The following TTC23L variants were observed in gnomAD, a reference collection of about 807,000 sequenced individuals.
TTC23L encodes tetratricopeptide repeat protein 23-like.
Under a neutral mutation model 48.1 loss-of-function variants are expected in TTC23L, and 42 were observed. The ratio of observed to expected loss-of-function variants is 0.87; its 90% CI spans 0.68 to 1.13. The LOEUF (loss-of-function observed/expected upper bound fraction) is 1.13, where lower values mean the gene tolerates loss of function less well. Among genes scored for constraint, TTC23L ranks in the 50% most tolerant of loss-of-function variants. The pLI, the probability that TTC23L is intolerant of heterozygous loss-of-function variation, is 0.00. For synonymous variants in TTC23L, 159 were observed against 157.2 expected, an observed-to-expected ratio of 1.01 and a Z score of -0.09; for missense variants, 391 against 421.0, an observed-to-expected ratio of 0.93 and a Z score of 0.62.
chr5:34,925,183 A>C, the TTC23L span: 1 of 1,500,120 alleles, frequency 6.7e-7, no homozygotes. Flanking sequence ...TAAAATGTTT[A>C]TTTTTATTTC....
At chr5:34,874,771 T>G (rs1761711895) in intron 8 of TTC23L, among the ~76,000 whole-genome samples, 2 of 148,406 alleles carry the variant, frequency 1.3e-5, no homozygotes, top group African/African-American at 4.9e-5. Context: ...CCACAAAAGG[T>G]AGGAAAAGAG....
Position 34,840,650 on chromosome 5 carries a change from C to A in TTC23L, c.-7-15C>A. 1 of 1,612,874 alleles carries A rather than the reference C, an allele frequency of 6.2e-7. No individual in the cohort carries two copies. Among genetic ancestry groups the A allele is most frequent in the Non-Finnish European group, 8.5e-7 (1 of 1,178,896 alleles). On this transcript the variant is annotated splice_polypyrimidine_tract_variant and intron_variant, in intron 1 of 10. Transcript: ENST00000505624. ...GCCTTTTCTCTCAAAGCTGACCTTA[C>A]CTGATTCTTGGTAGGAAGAAGATGC...
intron 9 of TTC23L, among the ~76,000 whole-genome samples, chr5:34,889,076 G>C (rs1276489860): frequency 6.6e-6 from 1 of 152,042 alleles, no homozygotes; most frequent in East Asian, 1.9e-4. Context: ...TATCAATGAC[G>C]CTTATCATTG....
intron 9 of TTC23L, among the ~76,000 whole-genome samples, chr5:34,889,178 T>C (rs924457295): frequency 1.3e-5 from 2 of 152,212 alleles, no homozygotes; most frequent in Non-Finnish European, 2.9e-5. Flanking sequence ...ACCAAATTCA[T>C]AAAACTGAGC....
At chr5:34,885,075 T>C (rs1314301089) in intron 9 of TTC23L, among the ~76,000 whole-genome samples, 1 of 133,408 alleles carries the variant, frequency 7.5e-6, no homozygotes, top group Admixed American at 7.5e-5. Context: ...GGCAAATGAG[T>C]ACAAGCACCT....
intron 4 of TTC23L, among the ~76,000 whole-genome samples, chr5:34,859,003 C>A (rs376850107): frequency 2.0e-5 from 3 of 152,190 alleles, no homozygotes; most frequent in African/African-American, 7.2e-5. Flanking sequence ...GCACAACCAG[C>A]ATGGGATATT....
intron 4 of TTC23L, among the ~76,000 whole-genome samples, chr5:34,855,941 C>A (rs1760096450): frequency 6.6e-6 from 1 of 152,078 alleles, no homozygotes; most frequent in Non-Finnish European, 1.5e-5. Context: ...TTTACTTTTT[C>A]TTATAATTTT....
intron 8 of TTC23L, among the ~76,000 whole-genome samples, chr5:34,875,080 CTT>C (rs1164059790): frequency 2.0e-5 from 3 of 152,234 alleles, no homozygotes; most frequent in African/African-American, 7.2e-5. Context: ...CCAGAACAAA[CTT>C]AGTGCAAGGA....
chr5:34,868,802 A>T, intron 7 of TTC23L, 103 bp from the exon 8 acceptor site: 1 of 896,118 alleles, frequency 1.1e-6, no homozygotes, highest in Non-Finnish European at 1.8e-6. Flanking sequence ...CAAGACTCAT[A>T]GCTAGGAAGT....
At chr5:34,887,039 T>C (rs1170148818) in intron 9 of TTC23L, among the ~76,000 whole-genome samples, 1 of 152,170 alleles carries the variant, frequency 6.6e-6, no homozygotes, top group Non-Finnish European at 1.5e-5. Flanking sequence ...AAAACCTAAG[T>C]TTATTCAAAG....
At chr5:34,887,524 A>G (rs1762614278) in intron 9 of TTC23L, among the ~76,000 whole-genome samples, 2 of 152,228 alleles carry the variant, frequency 1.3e-5, no homozygotes, top group South Asian at 4.1e-4. Flanking sequence ...AGTAGGAAAC[A>G]AAACAAAACA....
At position 34,864,287 on chromosome 5, in the gene TTC23L, C is replaced by T. The variant is rs1760888449; in HGVS notation, c.537-150C>T. 3.9e-6 allele frequency: 4 copies of T among 1,016,206 alleles called. No homozygotes were observed. In the South Asian group the frequency reaches 8.3e-5, roughly 21 times the overall value. The allele number at this position is 1,016,206 out of a possible 1,614,324, so 62.9% of individuals were successfully genotyped here. On this transcript the variant is annotated intron_variant, in intron 5 of 10. Coordinates refer to ENST00000505624, the Ensembl canonical transcript of TTC23L. Reference sequence around the variant, plus strand: ...CTAAAGAATTCTTGCTTCTTGACAACATAATACATGGAAAATAAAGAACAT... The same window carrying T: ...CTAAAGAATTCTTGCTTCTTGACAATATAATACATGGAAAATAAAGAACAT...
chr5:34,882,818 T>C (rs1232614672), intron 9 of TTC23L, among the ~76,000 whole-genome samples: 6 of 152,040 alleles, frequency 3.9e-5, no homozygotes, highest in Non-Finnish European at 7.4e-5. Context: ...GGCAGGAGGA[T>C]TGCTTGAGCC....
chr5:34,917,890 A>C, the TTC23L span, among the ~76,000 whole-genome samples: 16 of 152,252 alleles, frequency 1.1e-4, no homozygotes, highest in East Asian at 2.5e-3. Context: ...GAGAGATTGA[A>C]GTTGAAAAAC....
intron 9 of TTC23L, among the ~76,000 whole-genome samples, chr5:34,884,940 T>A (rs983912298): frequency 4.6e-5 from 7 of 152,206 alleles, no homozygotes; most frequent in Non-Finnish European, 1.0e-4. Flanking sequence ...TTCAACCCAA[T>A]TATGAAGAAA....
the TTC23L span, chr5:34,925,223 T>TTTTTA: frequency 6.6e-7 from 1 of 1,522,540 alleles, no homozygotes; most frequent in Non-Finnish European, 8.8e-7. Context: ...TTTTTTTTTT[T>TTTTTA]AGCATCGGCG....
At chr5:34,911,431 G>C in the TTC23L span, 3 of 1,162,964 alleles carry the variant, frequency 2.6e-6, no homozygotes, top group Non-Finnish European at 3.7e-6. Context: ...AAGAGTACAA[G>C]CTGTCTAAAG....
chr5:34,850,513 G>A (rs760417712), intron 4 of TTC23L, among the ~76,000 whole-genome samples: 7 of 152,176 alleles, frequency 4.6e-5, no homozygotes, highest in Non-Finnish European at 7.3e-5. Flanking sequence ...CAGTTATTGA[G>A]TATTTAGCAT....
At chr5:34,885,845 T>G (rs551338962) in intron 9 of TTC23L, among the ~76,000 whole-genome samples, 52 of 152,252 alleles carry the variant, frequency 3.4e-4, no homozygotes, top group South Asian at 3.1e-3. Flanking sequence ...TATTTATATA[T>G]AGAGAGAGAC....
Sources: allele counts gnomAD v4.1 joint callset (sites outside exome capture counted in the v4.1 genomes callset), GRCh38; gene constraint gnomAD v4.1.1; transcripts MANE v1.5; gene names NCBI Gene and HGNC (gene_info 2026-07-23, HGNC 2026-07-21).